SAMMSON: variants seen among roughly 807,000 people sequenced by gnomAD.
SAMMSON encodes the protein long intergenic non-protein coding RNA 1212.
At chr3:70,072,864 C>T (rs1056248762) in intron 4 of SAMMSON, among the ~76,000 whole-genome samples, 5 of 151,940 alleles carry the variant, frequency 3.3e-5, no homozygotes, top group African/African-American at 9.7e-5. Context: ...TGAAACTTAT[C>T]ATTTCTTGAT....
intron 1 of SAMMSON, among the ~76,000 whole-genome samples, chr3:70,008,892 A>T (rs2107576016): frequency 6.6e-6 from 1 of 152,314 alleles, no homozygotes; most frequent in African/African-American, 2.4e-5. Flanking sequence ...CTCTGTTGAG[A>T]TAATCATACG....
intron 7 of SAMMSON, among the ~76,000 whole-genome samples, chr3:70,322,589 T>A (rs1256150859): frequency 6.6e-6 from 1 of 152,136 alleles, no homozygotes; most frequent in African/African-American, 2.4e-5. Flanking sequence ...CTAGACCACC[T>A]CTCATGGGTC....
chr3:70,347,350 G>A (rs1169204134), intron 7 of SAMMSON, among the ~76,000 whole-genome samples: 1 of 152,176 alleles, frequency 6.6e-6, no homozygotes, highest in Non-Finnish European at 1.5e-5. Context: ...TTAAAAGATA[G>A]AAATAAACAA....
chr3:70,414,650 G>C (rs1262213799), intron 2 of SAMMSON, among the ~76,000 whole-genome samples: 1 of 152,054 alleles, frequency 6.6e-6, no homozygotes, highest in African/African-American at 2.4e-5. Context: ...GAGACCATAT[G>C]AACATTAGGT....
At chr3:70,084,026 C>G (rs1462494677) in intron 4 of SAMMSON, among the ~76,000 whole-genome samples, 3 of 152,128 alleles carry the variant, frequency 2.0e-5, no homozygotes, top group Non-Finnish European at 4.4e-5. Flanking sequence ...GAATCCCAAC[C>G]AGAGACCTTG....
chr3:70,020,788 G>A (rs562841938), intron 3 of SAMMSON, among the ~76,000 whole-genome samples: 70 of 152,270 alleles, frequency 4.6e-4, no homozygotes, highest in African/African-American at 1.6e-3. Flanking sequence ...ATGATGCAAA[G>A]TAAGCCCTTT....
chr3:70,418,979 TTCTCTC>T (rs71129503), intron 2 of SAMMSON, among the ~76,000 whole-genome samples: 29 of 67,300 alleles, frequency 4.3e-4, no homozygotes, highest in Non-Finnish European at 7.1e-4. Flanking sequence ...CCTTCCTTCC[TTCTCTC>T]TCTCTCTCTC....
At chr3:70,125,701 G>T in intron 4 of SAMMSON, 1 of 693,822 alleles carries the variant, frequency 1.4e-6, no homozygotes, top group South Asian at 1.5e-5. Flanking sequence ...TACATCCGAA[G>T]GTAACAGCAC....
intron 4 of SAMMSON, among the ~76,000 whole-genome samples, chr3:70,124,814 C>CAAA (rs1208323683): frequency 0.012 from 664 of 53,636 alleles, no homozygotes; most frequent in Middle Eastern, 0.054. Flanking sequence ...GACTCCATCT[C>CAAA]AAAAAAAAAA....
chr3:70,223,344 C>G (rs1432781486), intron 4 of SAMMSON, among the ~76,000 whole-genome samples: 1 of 152,160 alleles, frequency 6.6e-6, no homozygotes, highest in African/African-American at 2.4e-5. Flanking sequence ...TTACCACCAC[C>G]TATCTCTGCA....
chr3:70,322,145 T>G (rs1052643073), intron 7 of SAMMSON, among the ~76,000 whole-genome samples: 13 of 152,136 alleles, frequency 8.5e-5, no homozygotes, highest in African/African-American at 2.4e-5. Context: ...TATTTACTAA[T>G]AAGAAAACAT....
chr3:70,202,194 T>G (rs1701246596), intron 4 of SAMMSON, among the ~76,000 whole-genome samples: 1 of 152,132 alleles, frequency 6.6e-6, no homozygotes, highest in African/African-American at 2.4e-5. Flanking sequence ...GTAGTCTATT[T>G]GATAACAGTT....
intron 2 of SAMMSON, among the ~76,000 whole-genome samples, chr3:70,423,909 C>T (rs1364536927): frequency 2.6e-5 from 4 of 152,088 alleles, no homozygotes; most frequent in East Asian, 1.9e-4. Context: ...TGTGGGTCAT[C>T]GTTTAGCAGA....
intron 4 of SAMMSON, among the ~76,000 whole-genome samples, chr3:70,120,884 G>A (rs550360658): frequency 6.6e-4 from 101 of 152,220 alleles, no homozygotes; most frequent in African/African-American, 2.3e-3. Flanking sequence ...ATGGTTTCGG[G>A]ATGATTCAAG....
At chr3:70,048,145 T>G (rs535256107) in intron 3 of SAMMSON, among the ~76,000 whole-genome samples, 1 of 152,262 alleles carries the variant, frequency 6.6e-6, no homozygotes, top group South Asian at 2.1e-4. Context: ...TCCCTATTAC[T>G]AAATACGTAC....
intron 3 of SAMMSON, among the ~76,000 whole-genome samples, chr3:70,017,337 C>A (rs1381637376): frequency 6.6e-6 from 1 of 151,990 alleles, no homozygotes; most frequent in Non-Finnish European, 1.5e-5. Flanking sequence ...GTATTTTATT[C>A]TCTTTGAAGC....
intron 4 of SAMMSON, among the ~76,000 whole-genome samples, chr3:70,124,038 TC>T (rs1313671655): frequency 6.6e-6 from 1 of 152,218 alleles, no homozygotes; most frequent in Non-Finnish European, 1.5e-5. Flanking sequence ...TCCAGCTTCC[TC>T]GCTGACTAAC....
chr3:70,364,748 T>C (rs1376870743), intron 9 of SAMMSON, among the ~76,000 whole-genome samples: 2 of 151,902 alleles, frequency 1.3e-5, no homozygotes. Flanking sequence ...AAAATGCAGA[T>C]GGTACATCTC....
rs141109980 is a variant in SAMMSON at position 70,156,939 on chromosome 3, G to A, written n.507+85374G>A. ...GAGAGTTCAATAGAGTTTAACAGAG[G>A]GGTCAGAATTTCTTTACAAGTTAGA... On this transcript the variant is annotated intron_variant and non_coding_transcript_variant, in intron 4 of 9. Coordinates refer to ENST00000642114, the Ensembl canonical transcript of SAMMSON. 3.1e-3 allele frequency among the ~76,000 whole-genome samples: 473 copies of A among 152,038 alleles called. 2 individuals carry two copies. Among genetic ancestry groups the A allele is most frequent in the African/African-American group, 9.9e-3 (411 of 41,498 alleles).
Sources: allele counts gnomAD v4.1 joint callset (sites outside exome capture counted in the v4.1 genomes callset), GRCh38; gene constraint gnomAD v4.1.1; transcripts MANE v1.5; gene names NCBI Gene and HGNC (gene_info 2026-07-23, HGNC 2026-07-21).